The following GNB4 variants were observed in gnomAD, a reference collection of about 807,000 sequenced individuals.
The protein encoded by GNB4 is guanine nucleotide-binding protein subunit beta-4.
GNB4 carries 28 observed loss-of-function variants against 45.2 expected under a neutral mutation model. The observed-to-expected ratio is 0.62, with a 90% CI of 0.46 to 0.85. The LOEUF (loss-of-function observed/expected upper bound fraction) is 0.85, where lower values mean the gene tolerates loss of function less well. GNB4 is among the 40% of genes least tolerant of loss of function. The pLI is 0.00. For missense variants in GNB4, 321 were observed against 425.4 expected (o/e 0.75, Z 2.16); for synonymous variants, 132 against 143.7 (o/e 0.92, Z 0.58).
the GNB4 span, among the ~76,000 whole-genome samples, chr3:179,511,959 G>T: frequency 5.3e-5 from 8 of 152,174 alleles, no homozygotes; most frequent in Non-Finnish European, 4.4e-5. Flanking sequence ...CATGACTAAA[G>T]AAATTAATTT....
At chr3:179,414,139 G>A (rs548919367) in intron 6 of GNB4, among the ~76,000 whole-genome samples, 14 of 152,224 alleles carry the variant, frequency 9.2e-5, no homozygotes, top group African/African-American at 2.9e-4. Context: ...TACTGTGAGA[G>A]GATGCCTCTG....
At chr3:179,485,000 GTTTTGTTTTTTTTT>G in the GNB4 span, among the ~76,000 whole-genome samples, 40 of 124,226 alleles carry the variant, frequency 3.2e-4, no homozygotes, top group Admixed American at 9.9e-4. Flanking sequence ...AACTTTTTTC[GTTTTGTTTTTTTTT>G]TTTTTTTTTT....
chr3:179,420,467 TA>T (rs34242999), intron 3 of GNB4, among the ~76,000 whole-genome samples: 56,332 of 137,154 alleles, frequency 0.41, 10,924 homozygotes, highest in Admixed American at 0.52. Context: ...TATATATATA[TA>T]TATTTTTTTT....
the GNB4 span, among the ~76,000 whole-genome samples, chr3:179,471,109 G>A: frequency 6.6e-6 from 1 of 151,196 alleles, no homozygotes; most frequent in Admixed American, 6.6e-5. Context: ...AACCCAGGAG[G>A]CGGAGCTTGC....
chr3:179,474,326 C>T, the GNB4 span, among the ~76,000 whole-genome samples: 203 of 152,208 alleles, frequency 1.3e-3, 1 homozygote, highest in African/African-American at 4.1e-3. Flanking sequence ...CGGGTTCAAG[C>T]GATTCTCCTA....
chr3:179,501,924 C>A, the GNB4 span, among the ~76,000 whole-genome samples: 1 of 152,074 alleles, frequency 6.6e-6, no homozygotes, highest in East Asian at 1.9e-4. Context: ...TGCACATGTG[C>A]TTATTTAATA....
the GNB4 span, chr3:179,465,234 G>C: frequency 6.9e-7 from 1 of 1,442,204 alleles, no homozygotes; most frequent in Non-Finnish European, 9.7e-7. Context: ...GATTTTGAAG[G>C]AGTCAGACAA....
chr3:179,525,471 G>A, the GNB4 span, among the ~76,000 whole-genome samples: 767 of 152,166 alleles, frequency 5.0e-3, 10 homozygotes, highest in African/African-American at 0.017. Context: ...ACGGAGAAGG[G>A]GGTGGTGAGC....
chr3:179,489,976 G>A, the GNB4 span, among the ~76,000 whole-genome samples: 1 of 152,050 alleles, frequency 6.6e-6, no homozygotes, highest in Non-Finnish European at 1.5e-5. Context: ...TTATTTGTAT[G>A]GCCATTTCTT....
intron 9 of GNB4, 30 bp from the exon 10 acceptor site, chr3:179,401,349 A>G: frequency 1.3e-6 from 2 of 1,500,114 alleles, no homozygotes; most frequent in Non-Finnish European, 1.8e-6. Context: ...AAAAATTGGC[A>G]ATTGTAGGGT....
chr3:179,457,927 CAG>C, the GNB4 span, among the ~76,000 whole-genome samples: 1 of 144,866 alleles, frequency 6.9e-6, no homozygotes, highest in Admixed American at 7.0e-5. Flanking sequence ...TTTTTAAAGA[CAG>C]AGTCTTGCTC....
intron 9 of GNB4, among the ~76,000 whole-genome samples, chr3:179,404,558 G>A (rs1233332415): frequency 6.6e-6 from 1 of 152,082 alleles, no homozygotes; most frequent in Non-Finnish European, 1.5e-5. Context: ...GAGAGGAGGG[G>A]TAGGTAAATT....
At chr3:179,429,216 G>A (rs1343804228) in intron 1 of GNB4, among the ~76,000 whole-genome samples, 1 of 152,200 alleles carries the variant, frequency 6.6e-6, no homozygotes, top group African/African-American at 2.4e-5. Flanking sequence ...GAGCAGAATG[G>A]CTTCTATTTA....
At chr3:179,467,895 G>A in the GNB4 span, among the ~76,000 whole-genome samples, 5 of 151,626 alleles carry the variant, frequency 3.3e-5, no homozygotes, top group Non-Finnish European at 5.9e-5. Flanking sequence ...TGTCGAACCT[G>A]TATTGTTCAT....
At chr3:179,423,057 C>A (rs1312723317) in intron 2 of GNB4, among the ~76,000 whole-genome samples, 2 of 152,152 alleles carry the variant, frequency 1.3e-5, no homozygotes, top group Non-Finnish European at 2.9e-5. Flanking sequence ...TCCCAAAGTG[C>A]TGGGATTACA....
chr3:179,398,941 TAA>T lies in GNB4; in HGVS notation c.*2270_*2271del, dbSNP rs1392668025. The T allele has an allele frequency of 1.3e-5, 2 of 152,196 alleles. No homozygotes were observed. Among genetic ancestry groups the T allele is most frequent in the African/African-American group, 4.8e-5 (2 of 41,448 alleles). 9.4% of individuals were successfully genotyped at this position (152,196 alleles called of 1,614,324 possible). On this transcript the variant is annotated 3_prime_UTR_variant, in exon 10 of 10. Coordinates refer to ENST00000232564, the MANE Select transcript of GNB4 (RefSeq NM_021629.4). ...AAATAAATGTAATTTTAAAATATGTTAAGACCATAGAATTCCTGTGGTCTGTA... is the reference window on the plus strand; with the variant it reads ...AAATAAATGTAATTTTAAAATATGTTGACCATAGAATTCCTGTGGTCTGTA...
In GNB4 at chr3:179,401,106, T is replaced by C. The variant is rs143797342; in HGVS notation, c.*107A>G. On this transcript the variant is annotated 3_prime_UTR_variant, in exon 10 of 10. Transcript: ENST00000232564. ...AAGCTTGTTTTTGTAGATAATCTAA[T>C]AGAAAAATCTTCACCTGCAAATATA... 438 of 623,308 alleles carry C rather than the reference T, an allele frequency of 7.0e-4. 2 individuals are homozygous for C. The highest frequency in any genetic ancestry group is 9.5e-4 in the Non-Finnish European group (386 of 404,338). The allele number at this position is 623,308 out of a possible 1,614,324, so 38.6% of individuals were successfully genotyped here. A position where few individuals can be genotyped will look rare whatever the true frequency, so the allele number is the denominator to read the frequency against.
upstream of GNB4, among the ~76,000 whole-genome samples, chr3:179,453,955 C>T (rs904990099): frequency 2.6e-5 from 4 of 151,918 alleles, no homozygotes; most frequent in African/African-American, 9.7e-5. Flanking sequence ...CATAAGAGCA[C>T]ACTAATGCAT....
Position 179,397,094 on chromosome 3 carries a change from C to T in GNB4, c.*4119G>A, listed in dbSNP as rs1479741303. ...TTTTTAAAAAAATTCAGCCTGACTCCGACCCTGAAGATTTCAGAAAGAACA... is the reference window on the plus strand; with the variant it reads ...TTTTTAAAAAAATTCAGCCTGACTCTGACCCTGAAGATTTCAGAAAGAACA... On this transcript the variant is annotated 3_prime_UTR_variant, in exon 10 of 10. Transcript: ENST00000232564. 1 of 152,056 alleles carries T rather than the reference C, an allele frequency of 6.6e-6. No individual in the cohort carries two copies. The allele number at this position is 152,056 out of a possible 1,614,324, so 9.4% of individuals were successfully genotyped here. A position where few individuals can be genotyped will look rare whatever the true frequency, so the allele number is the denominator to read the frequency against.
Sources: allele counts gnomAD v4.1 joint callset (sites outside exome capture counted in the v4.1 genomes callset), GRCh38; gene constraint gnomAD v4.1.1; transcripts MANE v1.5; gene names NCBI Gene and HGNC (gene_info 2026-07-23, HGNC 2026-07-21).